NAT10: variants seen among roughly 807,000 people sequenced by gnomAD.
The protein encoded by NAT10 is RNA cytidine acetyltransferase.
A neutral mutation model predicts 132.2 loss-of-function variants in NAT10; 109 were observed. That is an observed-to-expected ratio of 0.82 (90% CI 0.71 to 0.97). The LOEUF (loss-of-function observed/expected upper bound fraction) is 0.97. Ranked by LOEUF, NAT10 falls within the 50% of genes least tolerant of loss-of-function variation. The pLI is 0.00. For synonymous variants in NAT10, 479 were observed against 478.0 expected (o/e 1.00, Z -0.03); for missense variants, 1,184 against 1,263.4 (o/e 0.94, Z 0.95).
At chr11:34,143,634 C>A in intron 28 of NAT10, 106 bp downstream of exon 28, 1 of 1,042,330 alleles carries the variant, frequency 9.6e-7, no homozygotes, top group Non-Finnish European at 1.4e-6. Flanking sequence ...AAAGCTTTGA[C>A]AGAAAAGTCA....
rs551441725 is a variant in NAT10 at position 34,146,520 on chromosome 11, G to A, written c.*328G>A. On this transcript the variant is annotated 3_prime_UTR_variant, in exon 29 of 29. Coordinates refer to ENST00000257829, the MANE Select transcript of NAT10 (RefSeq NM_024662.3). ...GCTTTTTAGTCTCATTCCCACACAT[G>A]TGGAAGCCACGTTGCCTCTCGACCG... The A allele has an allele frequency of 4.7e-4, 87 of 186,870 alleles. No individual in the cohort carries two copies. Among genetic ancestry groups the A allele is most frequent in the African/African-American group, 2.0e-3 (84 of 42,436 alleles). The allele number at this position is 186,870 out of a possible 1,614,324, so 11.6% of individuals were successfully genotyped here. A position where few individuals can be genotyped will look rare whatever the true frequency, so the allele number is the denominator to read the frequency against.
Position 34,118,383 on chromosome 11 carries a change from C to G in NAT10, c.673-13C>G. On this transcript the variant is annotated splice_polypyrimidine_tract_variant and intron_variant, in intron 7 of 28. Coordinates refer to ENST00000257829, the MANE Select transcript of NAT10 (RefSeq NM_024662.3). ...GACAGTGACAGACCTTCCCCTTCTC[C>G]TCTCTCTGGTAGGATGAGAGTCTTG... 6.2e-7 allele frequency: 1 copy of G among 1,613,306 alleles called. No homozygotes were observed. Among genetic ancestry groups the G allele is most frequent in the Middle Eastern group, 1.7e-4 (1 of 6,060 alleles).
chr11:34,137,356 G>A (rs1318029910), intron 21 of NAT10, among the ~76,000 whole-genome samples: 2 of 152,232 alleles, frequency 1.3e-5, no homozygotes, highest in Non-Finnish European at 2.9e-5. Flanking sequence ...TTGAGAAACT[G>A]GGTGTTGGAG....
intron 23 of NAT10, among the ~76,000 whole-genome samples, chr11:34,139,940 G>C (rs1446830509): frequency 6.6e-6 from 1 of 152,162 alleles, no homozygotes; most frequent in Admixed American, 6.5e-5. Flanking sequence ...TAGTTTTATT[G>C]CATATTTTAT....
intron 5 of NAT10, among the ~76,000 whole-genome samples, chr11:34,114,540 C>G (rs113426755): frequency 1.4e-4 from 21 of 152,330 alleles, no homozygotes; most frequent in African/African-American, 4.8e-4. Context: ...CATTACTTCT[C>G]CCTTCATCAC....
rs951399585 is a variant in NAT10, at chr11:34,143,495, C to T, written c.2936C>T (p.Ala979Val). ...GAGTGGAATGAAGTTTTGAACAAAG[C>T]TGGGCCGAACGCCTCGATCATCAGC... Reference protein sequence around the residue: ...DEEWNEVLNKAGPNASIISLK... With the variant: ...DEEWNEVLNKVGPNASIISLK... Residue 979 changes from alanine (A) to valine (V), a missense_variant, in exon 28 of 29, where the codon GCT (alanine) becomes GTT (valine). Transcript: ENST00000257829. The T allele has an allele frequency of 6.2e-7, 1 of 1,614,086 alleles. No individual in the cohort carries two copies. The highest frequency in any genetic ancestry group is 8.5e-7 in the Non-Finnish European group (1 of 1,179,992).
chr11:34,111,778 TA>T (rs2134153812), intron 3 of NAT10, among the ~76,000 whole-genome samples: 1 of 152,376 alleles, frequency 6.6e-6, no homozygotes, highest in Non-Finnish European at 1.5e-5. Flanking sequence ...TTAGCTACCC[TA>T]TTACCCATCT....
At chr11:34,140,214 C>T (rs1415562779) in intron 23 of NAT10, among the ~76,000 whole-genome samples, 186 bp from the exon 24 acceptor site, 1 of 152,212 alleles carries the variant, frequency 6.6e-6, no homozygotes, top group African/African-American at 2.4e-5. Flanking sequence ...CCTCCCCACA[C>T]GTGGCCTGGA....
Position 34,118,522 on chromosome 11 carries a change from A to G in NAT10, c.780+19A>G, listed in dbSNP as rs1851825671. The G allele has an allele frequency of 5.0e-6, 8 of 1,592,934 alleles. No homozygotes were observed. Among genetic ancestry groups the G allele is most frequent in the African/African-American group, 2.7e-5 (2 of 74,252 alleles). On this transcript the variant is annotated intron_variant, in intron 8 of 28. Coordinates refer to ENST00000257829, the MANE Select transcript of NAT10 (RefSeq NM_024662.3). Reference sequence around the variant, plus strand: ...AGACCAGGTGAGTGTGGTGCTCAGCACTTCCAACACAAAGGTAGTAAAACA... The same window carrying G: ...AGACCAGGTGAGTGTGGTGCTCAGCGCTTCCAACACAAAGGTAGTAAAACA...
chr11:34,134,786 C>T (rs577949739), intron 18 of NAT10, among the ~76,000 whole-genome samples, 200 bp downstream of exon 18: 13 of 152,254 alleles, frequency 8.5e-5, no homozygotes, highest in Admixed American at 2.6e-4. Context: ...TTTGTGAGAA[C>T]GAGGACTTGT....
At chr11:34,121,402 G>T (rs1460220541) in intron 8 of NAT10, among the ~76,000 whole-genome samples, 1 of 152,134 alleles carries the variant, frequency 6.6e-6, no homozygotes, top group African/African-American at 2.4e-5. Context: ...GACGAATCAA[G>T]TTATCAGGGA....
In NAT10 at chr11:34,118,392, G is replaced by T; in HGVS notation, c.673-4G>T. ...AGACCTTCCCCTTCTCCTCTCTCTGGTAGGATGAGAGTCTTGGTCCTTCTG... is the reference window on the plus strand; with the variant it reads ...AGACCTTCCCCTTCTCCTCTCTCTGTTAGGATGAGAGTCTTGGTCCTTCTG... On this transcript the variant is annotated splice_region_variant and splice_polypyrimidine_tract_variant and intron_variant, in intron 7 of 28. Transcript: ENST00000257829. 1 of 1,613,648 alleles carries T rather than the reference G, an allele frequency of 6.2e-7. No individual in the cohort carries two copies. Among genetic ancestry groups the T allele is most frequent in the Non-Finnish European group, 8.5e-7 (1 of 1,179,642 alleles).
Position 34,142,264 on chromosome 11 carries a change from C to G in NAT10, c.2812-11C>G. The G allele has an allele frequency of 4.3e-6, 7 of 1,613,764 alleles. No individual in the cohort carries two copies. The highest frequency in any genetic ancestry group is 5.9e-6 in the Non-Finnish European group (7 of 1,179,760). On this transcript the variant is annotated splice_polypyrimidine_tract_variant and intron_variant, in intron 26 of 28. Coordinates refer to ENST00000257829, the MANE Select transcript of NAT10 (RefSeq NM_024662.3). ...CTCTGACTTAGTCTCTTTATGGGTCCTTAACCACAGGATGAAGCAGCAAAG... is the reference window on the plus strand; with the variant it reads ...CTCTGACTTAGTCTCTTTATGGGTCGTTAACCACAGGATGAAGCAGCAAAG...
intron 16 of NAT10, among the ~76,000 whole-genome samples, chr11:34,133,918 C>T (rs940615020): frequency 3.3e-5 from 5 of 151,306 alleles, no homozygotes; most frequent in South Asian, 2.1e-4. Context: ...TTTGGGAGGC[C>T]GAGGCGGGCG....
chr11:34,106,867 C>A (rs1474269011), intron 1 of NAT10, among the ~76,000 whole-genome samples: 1 of 152,102 alleles, frequency 6.6e-6, no homozygotes, highest in African/African-American at 2.4e-5. Flanking sequence ...TGGTAAGTTT[C>A]AGTAAATGAG....
chr11:34,110,318 G>T (rs1851670876), intron 3 of NAT10, among the ~76,000 whole-genome samples: 1 of 151,362 alleles, frequency 6.6e-6, no homozygotes, highest in Non-Finnish European at 1.5e-5. Context: ...CCTTTTCTTT[G>T]CTCATGCTGT....
In NAT10 at chr11:34,129,599, CTTTTTTTTTTTTT is replaced by C. The variant is rs71037399; in HGVS notation, c.1245-1200_1245-1188del. Among the ~76,000 whole-genome samples the C allele has an allele frequency of 3.5e-4, 20 of 56,728 alleles. No individual in the cohort carries two copies. In the East Asian group the frequency reaches 8.2e-3, roughly 23 times the overall value. 37.2% of individuals were successfully genotyped at this position (56,728 alleles called of 152,430 possible). A position where few individuals can be genotyped will look rare whatever the true frequency, so the allele number is the denominator to read the frequency against. ...GTTTTTTCACTTTCTTCTTCTTCTT[CTTTTTTTTTTTTT>C]TTTTTTTTTTTTTGAGACAGACTCT... On this transcript the variant is annotated intron_variant, in intron 12 of 28. Coordinates refer to ENST00000257829, the MANE Select transcript of NAT10 (RefSeq NM_024662.3).
At chr11:34,117,337 C>T (rs1185000559) in intron 6 of NAT10, among the ~76,000 whole-genome samples, 3 of 152,158 alleles carry the variant, frequency 2.0e-5, no homozygotes, top group African/African-American at 7.2e-5. Flanking sequence ...TTGGCAATGT[C>T]TGGAAATGTT....
At chr11:34,123,507 G>A (rs1731298826) in intron 9 of NAT10, among the ~76,000 whole-genome samples, 3 of 152,200 alleles carry the variant, frequency 2.0e-5, no homozygotes, top group Admixed American at 2.0e-4. Context: ...GGATTGGGAA[G>A]CAGTCTGTCT....
Sources: gnomAD v4.1 joint callset for allele counts (sites outside exome capture counted in the v4.1 genomes callset) on GRCh38, gnomAD v4.1.1 for gene constraint, MANE v1.5 for transcripts, NCBI Gene and HGNC (gene_info 2026-07-23, HGNC 2026-07-21) for gene names.